Variants in LCLAT1 observed in about 807,000 individuals in gnomAD.
The protein encoded by LCLAT1 is lysocardiolipin acyltransferase 1.
In LCLAT1, 11 loss-of-function variants were observed where a neutral mutation model predicts 30.7. The ratio of observed to expected loss-of-function variants is 0.36; its 90% CI spans 0.23 to 0.59. The LOEUF is 0.59. Ranked by LOEUF, LCLAT1 falls within the 20% of genes least tolerant of loss-of-function variation. The probability of loss-of-function intolerance (pLI) is 0.77; values close to 1 mark genes in which losing one functional copy is unlikely to be tolerated. For synonymous variants in LCLAT1, 155 were observed against 151.3 expected (o/e 1.02, Z -0.18); for missense variants, 402 against 458.6 (o/e 0.88, Z 1.13).
intron 1 of LCLAT1, among the ~76,000 whole-genome samples, chr2:30,493,565 A>G (rs943426647): frequency 2.0e-5 from 3 of 152,136 alleles, no homozygotes; most frequent in Non-Finnish European, 4.4e-5. Flanking sequence ...TTCTTTTGGC[A>G]TACATCAGTA....
intron 5 of LCLAT1, among the ~76,000 whole-genome samples, chr2:30,632,097 T>A (rs1157853722): frequency 6.6e-6 from 1 of 152,174 alleles, no homozygotes; most frequent in Non-Finnish European, 1.5e-5. Flanking sequence ...AGATTTAGGA[T>A]AGAAATGTGA....
chr2:30,633,552 G>A (rs193063412), intron 5 of LCLAT1, among the ~76,000 whole-genome samples: 10 of 152,226 alleles, frequency 6.6e-5, no homozygotes, highest in African/African-American at 2.4e-4. Context: ...TGGGCGTGGT[G>A]TGTGTGCCTG....
intron 1 of LCLAT1, among the ~76,000 whole-genome samples, chr2:30,462,369 A>T (rs927103999): frequency 6.6e-6 from 1 of 152,210 alleles, no homozygotes; most frequent in Non-Finnish European, 1.5e-5. Flanking sequence ...ATGCTGACCA[A>T]GTCAGTAGTA....
chr2:30,583,470 G>A (rs762205166), intron 5 of LCLAT1, among the ~76,000 whole-genome samples: 5 of 151,970 alleles, frequency 3.3e-5, no homozygotes, highest in Non-Finnish European at 5.9e-5. Flanking sequence ...TTCTGTTTCA[G>A]TATTTTAGTC....
At chr2:30,465,283 A>T (rs1459434145) in intron 1 of LCLAT1, among the ~76,000 whole-genome samples, 1 of 152,120 alleles carries the variant, frequency 6.6e-6, no homozygotes, top group Non-Finnish European at 1.5e-5. Context: ...GGAGGTAGAG[A>T]TTTGAGTGTT....
intron 5 of LCLAT1, among the ~76,000 whole-genome samples, chr2:30,586,263 C>T (rs1290295378): frequency 7.5e-6 from 1 of 132,852 alleles, no homozygotes; most frequent in East Asian, 2.2e-4. Flanking sequence ...AAAAAAAAAA[C>T]CCAGTAGGAA....
At chr2:30,519,947 G>A (rs183058269) in intron 1 of LCLAT1, among the ~76,000 whole-genome samples, 11 of 152,278 alleles carry the variant, frequency 7.2e-5, no homozygotes, top group African/African-American at 1.7e-4. Context: ...ATCTGGCACC[G>A]TGTCCGCTGC....
chr2:30,642,662 T>C lies in LCLAT1; in HGVS notation c.*2043T>C, dbSNP rs144803491. On this transcript the variant is annotated 3_prime_UTR_variant, in exon 6 of 6. Coordinates refer to ENST00000379509, the MANE Select transcript of LCLAT1 (RefSeq NM_001002257.3). ...AGGTGTAACAACATTTAATTGCATG[T>C]CCTCTAACGCTTTGAAACCTTTAGA... is the stretch of plus-strand genomic sequence containing the variant. 204 of 152,032 alleles carry C rather than the reference T, an allele frequency of 1.3e-3. No individual in the cohort carries two copies. Among genetic ancestry groups the C allele is most frequent in the Non-Finnish European group, 2.6e-3 (175 of 67,966 alleles). The allele number at this position is 152,032 out of a possible 1,614,324, so 9.4% of individuals were successfully genotyped here.
chr2:30,577,152 CT>C (rs1471590042), intron 5 of LCLAT1, among the ~76,000 whole-genome samples: 7 of 151,422 alleles, frequency 4.6e-5, no homozygotes, highest in Non-Finnish European at 1.5e-5. Flanking sequence ...CATAGGCTCC[CT>C]ATACATATCT....
intron 2 of LCLAT1, 35 bp downstream of exon 2, chr2:30,525,790 A>G: frequency 1.2e-6 from 2 of 1,601,012 alleles, no homozygotes; most frequent in Non-Finnish European, 1.7e-6. Context: ...GTCTGCTTGT[A>G]CTAGAGTGCT....
chr2:30,550,984 GTTTTC>G (rs1322442254), intron 3 of LCLAT1, among the ~76,000 whole-genome samples: 3 of 152,024 alleles, frequency 2.0e-5, no homozygotes, highest in South Asian at 2.1e-4. Context: ...GCCATTGGGA[GTTTTC>G]TTTTCTTGAG....
At chr2:30,533,453 A>G (rs1686080390) in intron 3 of LCLAT1, 139 bp downstream of exon 3, 2 of 715,120 alleles carry the variant, frequency 2.8e-6, no homozygotes, top group African/African-American at 3.5e-5. Flanking sequence ...TTTTGTCTTT[A>G]GTGGATCTGC....
At chr2:30,620,622 A>T (rs867326898) in intron 5 of LCLAT1, among the ~76,000 whole-genome samples, 2 of 152,184 alleles carry the variant, frequency 1.3e-5, no homozygotes, top group Admixed American at 6.5e-5. Flanking sequence ...CCACTTTATA[A>T]TTCAAAACTG....
At chr2:30,582,280 A>G (rs1666241225) in intron 5 of LCLAT1, among the ~76,000 whole-genome samples, 1 of 151,980 alleles carries the variant, frequency 6.6e-6, no homozygotes, top group African/African-American at 2.4e-5. Context: ...TGAATGTAAC[A>G]GATATACTTC....
At chr2:30,547,888 G>A (rs979690391) in intron 3 of LCLAT1, among the ~76,000 whole-genome samples, 1 of 152,222 alleles carries the variant, frequency 6.6e-6, no homozygotes, top group Non-Finnish European at 1.5e-5. Flanking sequence ...CAAGCCATAA[G>A]AAATGTATCC....
At chr2:30,550,599 T>G (rs1004548380) in intron 3 of LCLAT1, among the ~76,000 whole-genome samples, 1 of 152,212 alleles carries the variant, frequency 6.6e-6, no homozygotes, top group East Asian at 1.9e-4. Context: ...ACCCTTCTCA[T>G]GTCAGAGGTT....
At chr2:30,599,254 T>C (rs564354616) in intron 5 of LCLAT1, among the ~76,000 whole-genome samples, 28 of 152,322 alleles carry the variant, frequency 1.8e-4, no homozygotes, top group African/African-American at 6.7e-4. Flanking sequence ...AGTGCTGGGA[T>C]TCCGGACATG....
At chr2:30,579,283 GC>G (rs1666116602) in intron 5 of LCLAT1, among the ~76,000 whole-genome samples, 1 of 152,066 alleles carries the variant, frequency 6.6e-6, no homozygotes, top group African/African-American at 2.4e-5. Flanking sequence ...CGAGAAGCTT[GC>G]CCTGTACATA....
At chr2:30,554,233 A>C (rs1346475801) in intron 3 of LCLAT1, among the ~76,000 whole-genome samples, 1 of 152,246 alleles carries the variant, frequency 6.6e-6, no homozygotes, top group Non-Finnish European at 1.5e-5. Flanking sequence ...GCAGAAATAC[A>C]TTCGACCTGT....
Sources: allele counts gnomAD v4.1 joint callset (sites outside exome capture counted in the v4.1 genomes callset), GRCh38; gene constraint gnomAD v4.1.1; transcripts MANE v1.5; gene names NCBI Gene and HGNC (gene_info 2026-07-23, HGNC 2026-07-21).